Variants in SSH1 observed in about 807,000 individuals in gnomAD.
SSH1 encodes the protein protein phosphatase Slingshot homolog 1.
Under a neutral mutation model 79.7 loss-of-function variants are expected in SSH1, and 43 were observed. The ratio of observed to expected loss-of-function variants is 0.54; its 90% confidence interval spans 0.42 to 0.70. SSH1 has a LOEUF of 0.70. Among genes scored for constraint, SSH1 ranks in the 30% least tolerant of loss-of-function variants. The probability of loss-of-function intolerance (pLI) is 0.00; values close to 1 mark genes in which losing one functional copy is unlikely to be tolerated. For synonymous variants in SSH1, 599 were observed against 538.3 expected (o/e 1.11, Z -1.56); for missense variants, 1,206 against 1,358.8 (o/e 0.89, Z 1.77).
rs761460001 is a variant in SSH1, at chr12:108,817,177, T to C, written c.280-18A>G. On this transcript the variant is annotated intron_variant, in intron 4 of 14. Transcript: ENST00000326495. ...CGCACTGCCTGGAACAGGGCAGACA[T>C]GCTCTCACTAACCTGCCTTTGGAGG... is the stretch of plus-strand genomic sequence containing the variant. 4 of 1,613,102 alleles carry C rather than the reference T, an allele frequency of 2.5e-6. No homozygotes were observed. Among genetic ancestry groups the C allele is most frequent in the Admixed American group, 3.3e-5 (2 of 60,024 alleles).
At chr12:108,841,538 T>C (rs2038777031) in intron 2 of SSH1, among the ~76,000 whole-genome samples, 1 of 152,236 alleles carries the variant, frequency 6.6e-6, no homozygotes, top group South Asian at 2.1e-4. Flanking sequence ...CCGGGTGCAG[T>C]GGCTCACGCC....
intron 2 of SSH1, among the ~76,000 whole-genome samples, chr12:108,828,337 G>A (rs183145994): frequency 6.6e-6 from 1 of 152,248 alleles, no homozygotes; most frequent in East Asian, 1.9e-4. Flanking sequence ...TTGCCTAGGA[G>A]CACATATCTC....
At chr12:108,800,610 A>G (rs1363577254) in intron 12 of SSH1, among the ~76,000 whole-genome samples, 170 bp downstream of exon 12, 3 of 149,996 alleles carry the variant, frequency 2.0e-5, no homozygotes, top group Admixed American at 2.0e-4. Flanking sequence ...CTAAAAGCAA[A>G]GGTCCATCCC....
chr12:108,814,073 A>G (rs2037767480), intron 5 of SSH1, among the ~76,000 whole-genome samples: 2 of 152,036 alleles, frequency 1.3e-5, no homozygotes, highest in South Asian at 4.1e-4. Context: ...AAAATACAAA[A>G]ACTTTCCAGG....
At position 108,788,702 on chromosome 12, in the gene SSH1, G is replaced by A. The variant is rs752885163; in HGVS notation, c.2436C>T (p.Ser812=). 8 of 1,614,212 alleles carry A rather than the reference G, an allele frequency of 5.0e-6. No individual in the cohort carries two copies. The Admixed American group carries it at 6.7e-5, about 13-fold the overall frequency. The change falls in exon 15 of 15, where the codon TCC becomes TCT. Residue 812 remains serine (S), a synonymous_variant. Transcript: ENST00000326495. ...TNSYLMQHQE[S]IIQLQKAGLV... ...AGCCTGCCTTCTGCAGCTGAATGAT[G>A]GACTCCTGGTGCTGCATCAGGTAGC...
intron 5 of SSH1, among the ~76,000 whole-genome samples, chr12:108,812,446 G>C (rs909025325): frequency 2.6e-5 from 4 of 152,232 alleles, no homozygotes; most frequent in Non-Finnish European, 5.9e-5. Context: ...ACCCTCACCA[G>C]GAACTCATAA....
chr12:108,814,572 G>A (rs2037793913), intron 5 of SSH1, among the ~76,000 whole-genome samples: 2 of 152,150 alleles, frequency 1.3e-5, no homozygotes, highest in Non-Finnish European at 2.9e-5. Context: ...GAAGGCAGCT[G>A]TGTCAGGCCC....
chr12:108,805,751 A>T (rs2037239318), intron 9 of SSH1, among the ~76,000 whole-genome samples: 2 of 152,278 alleles, frequency 1.3e-5, no homozygotes, highest in South Asian at 4.1e-4. Context: ...AACTTCTTAG[A>T]TCCATCCAGT....
At position 108,778,710 on chromosome 12, in the gene SSH1, T is replaced by G; in HGVS notation, c.*9278A>C. The stretch of plus-strand genomic sequence containing the variant: ...AGTAGGTAGCATTGTCAGTTTGTTC[T>G]GATCCAATTTCAAGAGCAAGAGGGA... On this transcript the variant is annotated 3_prime_UTR_variant, in exon 15 of 15. Transcript: ENST00000326495. The G allele has an allele frequency of 6.5e-6, 1 of 153,354 alleles. No homozygotes were observed. Among genetic ancestry groups the G allele is most frequent in the Middle Eastern group, 1.0e-3 (1 of 958 alleles). 9.5% of individuals were successfully genotyped at this position (153,354 alleles called of 1,614,324 possible). A position where few individuals can be genotyped will look rare whatever the true frequency, so the allele number is the denominator to read the frequency against.
At chr12:108,847,765 C>T (rs2137279215) in intron 2 of SSH1, among the ~76,000 whole-genome samples, 1 of 152,266 alleles carries the variant, frequency 6.6e-6, no homozygotes, top group Non-Finnish European at 1.5e-5. Context: ...GCCATTTAAA[C>T]TGTTTAAATG....
chr12:108,849,764 C>T (rs1018856735), intron 2 of SSH1, among the ~76,000 whole-genome samples: 11 of 141,812 alleles, frequency 7.8e-5, no homozygotes, highest in Non-Finnish European at 1.7e-4. Flanking sequence ...TCATCAACAA[C>T]AGCCCTGAGA....
chr12:108,837,907 C>CA (rs1353688701), intron 2 of SSH1, among the ~76,000 whole-genome samples: 1 of 152,048 alleles, frequency 6.6e-6, no homozygotes, highest in Non-Finnish European at 1.5e-5. Flanking sequence ...CTCAACCACC[C>CA]AAGTAGCTGG....
chr12:108,835,651 C>T (rs2038585253), intron 2 of SSH1, among the ~76,000 whole-genome samples: 1 of 151,574 alleles, frequency 6.6e-6, no homozygotes, highest in African/African-American at 2.4e-5. Flanking sequence ...GACCTAAAAA[C>T]CATTTGGCGG....
intron 2 of SSH1, among the ~76,000 whole-genome samples, chr12:108,844,835 G>A (rs976325637): frequency 2.6e-5 from 4 of 152,162 alleles, no homozygotes; most frequent in Admixed American, 6.5e-5. Flanking sequence ...CAGGCCAGGC[G>A]TGGTGGCTCA....
chr12:108,792,108 T>G, intron 14 of SSH1, 178 bp downstream of exon 14: 2 of 1,471,948 alleles, frequency 1.4e-6, no homozygotes, highest in Non-Finnish European at 1.8e-6. Flanking sequence ...AATCACCCTG[T>G]GAAAGAACCC....
chr12:108,802,481 A>C, intron 10 of SSH1, 113 bp from the exon 11 acceptor site: 2 of 907,834 alleles, frequency 2.2e-6, no homozygotes, highest in Non-Finnish European at 3.6e-6. Flanking sequence ...TCATGGCCCC[A>C]TTGGCCTCAG....
intron 1 of SSH1, among the ~76,000 whole-genome samples, chr12:108,855,503 A>G (rs989135927): frequency 1.1e-4 from 17 of 152,234 alleles, no homozygotes; most frequent in African/African-American, 4.1e-4. Flanking sequence ...GTATGTAACT[A>G]AAAAATAATA....
chr12:108,795,533 C>T (rs1470656670), intron 13 of SSH1, among the ~76,000 whole-genome samples: 3 of 151,722 alleles, frequency 2.0e-5, no homozygotes, highest in East Asian at 3.9e-4. Flanking sequence ...GGGATTACAG[C>T]GCCTGACCCT....
intron 9 of SSH1, 65 bp downstream of exon 9, chr12:108,806,236 T>G: frequency 6.7e-7 from 1 of 1,483,494 alleles, no homozygotes; most frequent in Admixed American, 1.7e-5. Context: ...TGCTGCACTT[T>G]CGGGAGCAGG....
Sources: allele counts gnomAD v4.1 joint callset (sites outside exome capture counted in the v4.1 genomes callset), GRCh38; gene constraint gnomAD v4.1.1; transcripts MANE v1.5; gene names NCBI Gene and HGNC (gene_info 2026-07-23, HGNC 2026-07-21).